The following CERS6 variants were observed in gnomAD, a reference collection of about 807,000 sequenced individuals.
The protein encoded by CERS6 is LAG1 homolog, ceramide synthase 6.
In CERS6, 26 loss-of-function variants were observed where a neutral mutation model predicts 56.8. That is an observed-to-expected ratio of 0.46 (90% CI 0.34 to 0.63). The LOEUF is 0.63. CERS6 is among the 30% of genes least tolerant of loss of function. The pLI, the probability that CERS6 is intolerant of heterozygous loss-of-function variation, is 0.01. For missense variants in CERS6, 415 were observed against 467.5 expected (o/e 0.89, Z 1.04); for synonymous variants, 164 against 173.3 (o/e 0.95, Z 0.42).
At chr2:168,514,544 T>G (rs1412960012) in intron 1 of CERS6, among the ~76,000 whole-genome samples, 1 of 152,240 alleles carries the variant, frequency 6.6e-6, no homozygotes. Flanking sequence ...GGGACATGAT[T>G]GCAAATTCAA....
At chr2:168,487,926 C>G (rs568182965) in intron 1 of CERS6, among the ~76,000 whole-genome samples, 5 of 152,106 alleles carry the variant, frequency 3.3e-5, no homozygotes, top group African/African-American at 1.2e-4. Flanking sequence ...TGCCATGTTG[C>G]CCAGGTTGGT....
intron 4 of CERS6, among the ~76,000 whole-genome samples, chr2:168,635,232 G>A (rs1450798334): frequency 6.6e-6 from 1 of 152,150 alleles, no homozygotes; most frequent in African/African-American, 2.4e-5. Flanking sequence ...GAAGAGCCAT[G>A]GAGCCAGAGA....
At chr2:168,675,460 C>T (rs1183876863) in intron 4 of CERS6, among the ~76,000 whole-genome samples, 1 of 151,794 alleles carries the variant, frequency 6.6e-6, no homozygotes, top group African/African-American at 2.4e-5. Flanking sequence ...GTGGCATGCA[C>T]GTGTAGTTCC....
rs376301914 is a variant in CERS6, at chr2:168,479,317, G to A, written c.170+22699G>A. ...TATGTTTACTTGTTCAAAATGATAG[G>A]GTCATTGACATATTTTCATTTCTAA... is the stretch of plus-strand genomic sequence containing the variant. On this transcript the variant is annotated intron_variant, in intron 1 of 9. Transcript: ENST00000305747. 1.8e-3 allele frequency among the ~76,000 whole-genome samples: 274 copies of A among 151,846 alleles called. 1 individual carries two copies. Among genetic ancestry groups the A allele is most frequent in the African/African-American group, 6.4e-3 (264 of 41,412 alleles).
intron 8 of CERS6, among the ~76,000 whole-genome samples, chr2:168,745,437 T>G (rs1405764278): frequency 6.6e-6 from 1 of 152,020 alleles, no homozygotes; most frequent in Admixed American, 6.6e-5. Context: ...GAGACGGGGT[T>G]TCACCGTGTT....
chr2:168,574,689 G>C (rs1210897180), intron 3 of CERS6, among the ~76,000 whole-genome samples: 1 of 136,960 alleles, frequency 7.3e-6, no homozygotes, highest in Non-Finnish European at 1.5e-5. Flanking sequence ...AATTAATTTT[G>C]ATCAATTCAA....
chr2:168,677,309 G>T (rs2105346469), intron 4 of CERS6, among the ~76,000 whole-genome samples: 1 of 151,996 alleles, frequency 6.6e-6, no homozygotes, highest in Admixed American at 6.5e-5. Context: ...TGAGAATGAT[G>T]GTTTCCAGCT....
chr2:168,641,308 G>A (rs937117580), intron 4 of CERS6, among the ~76,000 whole-genome samples: 18 of 151,738 alleles, frequency 1.2e-4, no homozygotes, highest in Non-Finnish European at 1.8e-4. Context: ...CAGTTTAACC[G>A]ATTTGTTCTT....
chr2:168,678,988 C>T (rs1018672435), intron 4 of CERS6, among the ~76,000 whole-genome samples: 28 of 152,232 alleles, frequency 1.8e-4, no homozygotes, highest in Non-Finnish European at 1.9e-4. Flanking sequence ...ACAATGGAAT[C>T]CTATTTGGCC....
intron 3 of CERS6, among the ~76,000 whole-genome samples, chr2:168,605,481 T>G (rs1008092109): frequency 5.3e-5 from 8 of 152,168 alleles, no homozygotes; most frequent in African/African-American, 1.9e-4. Context: ...AAGCCCATAT[T>G]CAGGGGAGGG....
intron 4 of CERS6, among the ~76,000 whole-genome samples, chr2:168,677,519 C>T (rs972586434): frequency 1.4e-4 from 22 of 151,888 alleles, no homozygotes; most frequent in South Asian, 1.0e-3. Context: ...TTTTATGAGA[C>T]GGAGTTTCAC....
chr2:168,555,722 CTGTGTGTGTGTGTGTGTGTG>C (rs58781728), intron 2 of CERS6, among the ~76,000 whole-genome samples: 4 of 140,920 alleles, frequency 2.8e-5, no homozygotes, highest in East Asian at 2.0e-4. Context: ...ATAATTGACT[CTGTGTGTGTGTGTGTGTGTG>C]TGTGTGTGTG....
At chr2:168,558,953 G>T (rs1353296583) in intron 2 of CERS6, among the ~76,000 whole-genome samples, 1 of 152,198 alleles carries the variant, frequency 6.6e-6, no homozygotes, top group East Asian at 1.9e-4. Context: ...TATCTGACAA[G>T]AAGGGGAGAA....
In CERS6 at chr2:168,665,832, A is replaced by G. The variant is rs958098847; in HGVS notation, c.466-25202A>G. Among the ~76,000 whole-genome samples, 6 of 152,188 alleles carry G rather than the reference A, an allele frequency of 3.9e-5. No homozygotes were observed. The East Asian group carries it at 1.2e-3, about 29-fold the overall frequency. On this transcript the variant is annotated intron_variant, in intron 4 of 9. Transcript: ENST00000305747. ...TGAGCCCAAGAGGTCTAGCTCAAGA[A>G]GTTATATACTCTGAATTATTATGGC...
At chr2:168,510,642 A>G (rs1694762338) in intron 1 of CERS6, among the ~76,000 whole-genome samples, 1 of 152,234 alleles carries the variant, frequency 6.6e-6, no homozygotes, top group African/African-American at 2.4e-5. Flanking sequence ...TTTGTTTTAT[A>G]AAACCAAGAG....
intron 9 of CERS6, chr2:168,766,353 TC>T (rs1559086085): frequency 2.5e-6 from 4 of 1,597,682 alleles, no homozygotes; most frequent in Non-Finnish European, 3.4e-6. Flanking sequence ...CATGTAAGTT[TC>T]TCCTCCTCTC....
At chr2:168,562,438 T>G (rs1412114799) in intron 3 of CERS6, among the ~76,000 whole-genome samples, 1 of 152,182 alleles carries the variant, frequency 6.6e-6, no homozygotes, top group Non-Finnish European at 1.5e-5. Context: ...ATTATTATTT[T>G]CATGATTTCA....
intron 1 of CERS6, among the ~76,000 whole-genome samples, chr2:168,532,293 A>G (rs534598451): frequency 1.1e-3 from 161 of 152,288 alleles, no homozygotes; most frequent in South Asian, 5.4e-3. Flanking sequence ...TTCGTTATGT[A>G]GATGAGAAAA....
chr2:168,732,200 G>A (rs2105413913), intron 8 of CERS6, among the ~76,000 whole-genome samples: 1 of 152,254 alleles, frequency 6.6e-6, no homozygotes, highest in South Asian at 2.1e-4. Context: ...CCTACTCTCA[G>A]TAGCAGTCAC....
Sources: allele counts gnomAD v4.1 joint callset (sites outside exome capture counted in the v4.1 genomes callset), GRCh38; gene constraint gnomAD v4.1.1; transcripts MANE v1.5; gene names NCBI Gene and HGNC (gene_info 2026-07-23, HGNC 2026-07-21).